ANKS1B: variants seen among roughly 807,000 people sequenced by gnomAD.
ANKS1B encodes ankyrin repeat and sterile alpha motif domain-containing protein 1B.
ANKS1B carries 36 observed loss-of-function variants against 148.3 expected under a neutral mutation model. That is an observed-to-expected ratio of 0.24 (90% CI 0.19 to 0.32). The LOEUF (loss-of-function observed/expected upper bound fraction) is 0.32, where lower values mean the gene tolerates loss of function less well. Among genes scored for constraint, ANKS1B ranks in the 10% least tolerant of loss-of-function variants. The pLI is 1.00. For synonymous variants in ANKS1B, 542 were observed against 560.8 expected (o/e 0.97, Z 0.47); for missense variants, 1,157 against 1,542.6 (o/e 0.75, Z 4.19).
At chr12:99,000,622 G>A (rs1303662056) in intron 17 of ANKS1B, among the ~76,000 whole-genome samples, 5 of 152,130 alleles carry the variant, frequency 3.3e-5, no homozygotes, top group Non-Finnish European at 7.3e-5. Flanking sequence ...AACACAACAT[G>A]AGGTCTACCC....
chr12:99,339,868 C>A (rs1407437436), intron 12 of ANKS1B, among the ~76,000 whole-genome samples: 1 of 152,044 alleles, frequency 6.6e-6, no homozygotes, highest in Admixed American at 6.6e-5. Context: ...TGAGACTCTG[C>A]GTCAGACCAT....
At chr12:99,603,954 T>A (rs2097828021) in intron 9 of ANKS1B, among the ~76,000 whole-genome samples, 1 of 152,152 alleles carries the variant, frequency 6.6e-6, no homozygotes, top group African/African-American at 2.4e-5. Context: ...TCCAATGATA[T>A]GATCCCAAAG....
Position 99,626,297 on chromosome 12 carries a change from C to A in ANKS1B, c.1272+28770G>T, listed in dbSNP as rs779004530. On this transcript the variant is annotated intron_variant, in intron 9 of 26. Coordinates refer to ENST00000683438, the MANE Select transcript of ANKS1B (RefSeq NM_001352186.2). ...TTTTCAATATATTTTAAGTAGCCAG[C>A]GGTCCACCATTGCCATGAAAAATGG... 3.3e-5 allele frequency among the ~76,000 whole-genome samples: 5 copies of A among 152,088 alleles called. No homozygotes were observed. In the South Asian group the frequency reaches 1.0e-3, roughly 32 times the overall value.
At chr12:99,670,537 G>A (rs887452297) in intron 8 of ANKS1B, among the ~76,000 whole-genome samples, 2 of 151,930 alleles carry the variant, frequency 1.3e-5, no homozygotes, top group Non-Finnish European at 2.9e-5. Context: ...AAAAACTACT[G>A]TCTACAAGGC....
intron 14 of ANKS1B, 61 bp downstream of exon 14, chr12:99,244,281 C>G (rs949186995): frequency 1.7e-6 from 2 of 1,152,942 alleles, no homozygotes; most frequent in African/African-American, 1.6e-5. Flanking sequence ...AGATTCCTAT[C>G]ATTTTCTCAC....
At chr12:98,886,049 G>A (rs1393105027) in intron 17 of ANKS1B, among the ~76,000 whole-genome samples, 2 of 152,078 alleles carry the variant, frequency 1.3e-5, no homozygotes, top group Non-Finnish European at 2.9e-5. Flanking sequence ...GAGGGAGAGA[G>A]AGAGAGCAAC....
At chr12:99,225,233 T>C (rs1455410534) in intron 14 of ANKS1B, among the ~76,000 whole-genome samples, 1 of 152,082 alleles carries the variant, frequency 6.6e-6, no homozygotes, top group East Asian at 1.9e-4. Context: ...GAAAATTCTT[T>C]CTAGAGTTTA....
chr12:98,752,561 G>T (rs1159638531), intron 25 of ANKS1B, among the ~76,000 whole-genome samples: 1 of 152,050 alleles, frequency 6.6e-6, no homozygotes. Flanking sequence ...CTGGTCCACG[G>T]GTGCATCTTT....
At chr12:99,345,731 C>A (rs529895496) in intron 12 of ANKS1B, among the ~76,000 whole-genome samples, 1 of 151,986 alleles carries the variant, frequency 6.6e-6, no homozygotes, top group East Asian at 1.9e-4. Flanking sequence ...GGTCTCTTTT[C>A]ATTCTGATCC....
At chr12:99,518,714 A>G (rs954638678) in intron 9 of ANKS1B, among the ~76,000 whole-genome samples, 2 of 151,958 alleles carry the variant, frequency 1.3e-5, no homozygotes, top group African/African-American at 4.8e-5. Flanking sequence ...GGATTTCTTC[A>G]TCTCAATTTC....
chr12:99,232,533 G>A (rs1193307436), intron 14 of ANKS1B, among the ~76,000 whole-genome samples: 1 of 152,190 alleles, frequency 6.6e-6, no homozygotes, highest in Non-Finnish European at 1.5e-5. Flanking sequence ...ACGTCCCGTG[G>A]AGCCAATTAC....
At chr12:99,574,708 A>C (rs1333842247) in intron 9 of ANKS1B, among the ~76,000 whole-genome samples, 1 of 152,042 alleles carries the variant, frequency 6.6e-6, no homozygotes, top group Non-Finnish European at 1.5e-5. Context: ...TGGAAAAGGC[A>C]TTTGACAAAA....
intron 9 of ANKS1B, among the ~76,000 whole-genome samples, chr12:99,625,731 T>C (rs370778310): frequency 2.0e-5 from 3 of 152,086 alleles, no homozygotes; most frequent in South Asian, 2.1e-4. Flanking sequence ...ATATAAATAC[T>C]TCTGGAAAAA....
At chr12:99,824,447 C>T (rs1009021378) in intron 2 of ANKS1B, among the ~76,000 whole-genome samples, 2 of 151,860 alleles carry the variant, frequency 1.3e-5, no homozygotes, top group African/African-American at 2.4e-5. Flanking sequence ...TTGCAGTGAG[C>T]CACGATTGTG....
intron 10 of ANKS1B, among the ~76,000 whole-genome samples, chr12:99,455,460 G>A (rs935301774): frequency 2.0e-5 from 3 of 152,200 alleles, no homozygotes; most frequent in African/African-American, 7.2e-5. Context: ...GGAGTAGATT[G>A]CCACTGCAGG....
rs755043928 is a variant in ANKS1B at position 98,829,220 on chromosome 12, T to G, written c.3020A>C (p.Tyr1007Ser). The change falls in exon 19 of 27, where the codon TAC (tyrosine) becomes TCC (serine). Residue 1007 changes from tyrosine (Y) to serine (S), a missense_variant. This residue lies in a region of ANKS1B where 258 missense variants were observed against 497.0 expected (regional missense o/e 0.52). Transcript: ENST00000683438. The surrounding 1 kb of genome is among the most constrained non-coding windows in gnomAD (Gnocchi z 5.2). ...GDARRRRNEN[Y>S]FDDIPRSKLE... ...TTTTGATCGGGGAATATCATCAAAGTAGTTTTCATTTCTTCTCCTCCTTGC... is the reference window on the plus strand; with the variant it reads ...TTTTGATCGGGGAATATCATCAAAGGAGTTTTCATTTCTTCTCCTCCTTGC... The G allele has an allele frequency of 2.5e-6, 4 of 1,614,054 alleles. No individual in the cohort carries two copies. The South Asian group carries it at 4.4e-5, about 18-fold the overall frequency.
chr12:98,948,933 A>G (rs1455516496), intron 17 of ANKS1B, among the ~76,000 whole-genome samples: 3 of 133,156 alleles, frequency 2.3e-5, no homozygotes, highest in Non-Finnish European at 4.7e-5. Flanking sequence ...GGGGTGAGAT[A>G]TGAGCATGAG....
chr12:99,245,993 G>A (rs1017831922), intron 13 of ANKS1B, among the ~76,000 whole-genome samples: 3 of 152,068 alleles, frequency 2.0e-5, no homozygotes, highest in Non-Finnish European at 4.4e-5. Context: ...TTGGTAGGAC[G>A]AGATGTGAAT....
chr12:99,342,624 G>T (rs1370548660), intron 12 of ANKS1B, among the ~76,000 whole-genome samples: 1 of 151,866 alleles, frequency 6.6e-6, no homozygotes, highest in Non-Finnish European at 1.5e-5. Flanking sequence ...AAAAGAAAAG[G>T]CGAGGCCAGA....
Sources: allele counts gnomAD v4.1 joint callset (sites outside exome capture counted in the v4.1 genomes callset), GRCh38; gene constraint gnomAD v4.1.1; regional missense constraint gnomAD v4.1.1; non-coding constraint Gnocchi (gnomAD v3.1); transcripts MANE v1.5; gene names NCBI Gene and HGNC (gene_info 2026-07-23, HGNC 2026-07-21).